Variants in RFT1 observed in about 807,000 individuals in gnomAD.
The protein encoded by RFT1 is RFT1 glycolipid translocator homolog, also known as man(5)GlcNAc(2)-PP-dolichol translocation protein RFT1.
Under a neutral mutation model 62.2 loss-of-function variants are expected in RFT1, and 43 were observed. The ratio of observed to expected loss-of-function variants is 0.69; its 90% CI spans 0.54 to 0.89. RFT1 has a LOEUF of 0.89. Among genes scored for constraint, RFT1 ranks in the 40% least tolerant of loss-of-function variants. The pLI is 0.00. For synonymous variants in RFT1, 262 were observed against 264.6 expected (o/e 0.99, Z 0.10); for missense variants, 605 against 649.9 (o/e 0.93, Z 0.75).
At chr3:53,113,519 T>C (rs1434662513) in intron 6 of RFT1, among the ~76,000 whole-genome samples, 2 of 152,210 alleles carry the variant, frequency 1.3e-5, no homozygotes, top group Non-Finnish European at 2.9e-5. Context: ...GTCTCAGTCA[T>C]GTGGGCCCCT....
chr3:53,100,570 G>A (rs944077379), intron 10 of RFT1, among the ~76,000 whole-genome samples: 1 of 152,144 alleles, frequency 6.6e-6, no homozygotes, highest in Non-Finnish European at 1.5e-5. Flanking sequence ...TCCACACAAA[G>A]GAATACTTAG....
downstream of RFT1, among the ~76,000 whole-genome samples, chr3:53,084,970 C>T (rs1700827276): frequency 6.6e-6 from 1 of 151,994 alleles, no homozygotes; most frequent in Admixed American, 6.6e-5. Context: ...CCAGGGTGGC[C>T]CATCTACTGG....
intron 6 of RFT1, among the ~76,000 whole-genome samples, chr3:53,119,649 C>A (rs2107156393): frequency 6.6e-6 from 1 of 152,114 alleles, no homozygotes; most frequent in African/African-American, 2.4e-5. Flanking sequence ...GTCAGAGATG[C>A]TGCTAAACAT....
At position 53,103,993 on chromosome 3, in the gene RFT1, A is replaced by G. The variant is rs1187033558; in HGVS notation, c.1062T>C (p.Ala354=). The change falls in exon 10 of 13, where the codon GCT becomes GCC. Residue 354 remains alanine, a synonymous_variant. Transcript: ENST00000296292. ...GCATGGTCCCTCCGTAGATATCCAG[A>G]GCCAGCTGAGAATAGGCAAAGCCAA... ...TVFGFAYSQL[A]LDIYGGTMLS... The G allele has an allele frequency of 6.2e-7, 1 of 1,614,130 alleles. No homozygotes were observed. The highest frequency in any genetic ancestry group is 1.3e-5 in the African/African-American group (1 of 74,932).
At chr3:53,112,998 G>A (rs544558355) in intron 6 of RFT1, among the ~76,000 whole-genome samples, 1 of 152,132 alleles carries the variant, frequency 6.6e-6, no homozygotes, top group South Asian at 2.1e-4. Flanking sequence ...AGAATATTTA[G>A]ACTAGGTGTT....
chr3:53,082,849 C>A, the RFT1 span, among the ~76,000 whole-genome samples: 2 of 152,108 alleles, frequency 1.3e-5, no homozygotes, highest in Admixed American at 1.3e-4. Flanking sequence ...ACATGCTGTG[C>A]CGTTTAGAAG....
chr3:53,103,256 T>C (rs1701368076), intron 10 of RFT1: 1 of 985,330 alleles, frequency 1.0e-6, no homozygotes, highest in Admixed American at 6.1e-5. Context: ...TCAGCGTTCT[T>C]GTCCAGCGAC....
Position 53,130,422 on chromosome 3 carries a change from C to T in RFT1, c.-22G>A, listed in dbSNP as rs1220666049. 2 of 1,550,730 alleles carry T rather than the reference C, an allele frequency of 1.3e-6. No individual in the cohort carries two copies. Among genetic ancestry groups the T allele is most frequent in the African/African-American group, 2.7e-5 (2 of 73,074 alleles). ...CCATAGCCTCCGCGCCAGGCTCAGA[C>T]ACCAGGAAATGCCGCCGCCACTCCG... On this transcript the variant is annotated 5_prime_UTR_variant, in exon 1 of 13. Transcript: ENST00000296292.
At chr3:53,086,811 G>C (rs538494409), downstream of RFT1, among the ~76,000 whole-genome samples, 2 of 152,270 alleles carry the variant, frequency 1.3e-5, no homozygotes, top group South Asian at 4.2e-4. Context: ...GCAGCTTCAT[G>C]AGTCCGTGGG....
At chr3:53,073,092 G>C in the RFT1 span, among the ~76,000 whole-genome samples, 1 of 152,216 alleles carries the variant, frequency 6.6e-6, no homozygotes. Context: ...CCTGGGCTGT[G>C]CCACAGGGTT....
At chr3:53,084,948 A>C (rs1416526106), downstream of RFT1, among the ~76,000 whole-genome samples, 1 of 152,148 alleles carries the variant, frequency 6.6e-6, no homozygotes, top group African/African-American at 2.4e-5. Context: ...CACCTAGCAA[A>C]TGCTGCTCAG....
intron 8 of RFT1, 120 bp downstream of exon 8, chr3:53,106,699 C>A (rs1357183478): frequency 2.5e-6 from 2 of 816,222 alleles, no homozygotes; most frequent in Non-Finnish European, 4.1e-6. Context: ...AATTTACAAT[C>A]TTCAGGATTT....
chr3:53,072,829 A>C, the RFT1 span, among the ~76,000 whole-genome samples: 3 of 152,212 alleles, frequency 2.0e-5, no homozygotes, highest in African/African-American at 4.8e-5. Context: ...AACACACAGG[A>C]GGGTCCTGCC....
At chr3:53,099,903 C>G (rs375634614) in intron 10 of RFT1, among the ~76,000 whole-genome samples, 1 of 152,132 alleles carries the variant, frequency 6.6e-6, no homozygotes, top group African/African-American at 2.4e-5. Flanking sequence ...GGGAGGATCA[C>G]CTGAGTCTGG....
chr3:53,083,005 G>C, the RFT1 span, among the ~76,000 whole-genome samples: 2 of 151,726 alleles, frequency 1.3e-5, no homozygotes, highest in African/African-American at 4.8e-5. Flanking sequence ...AGACCAGCCT[G>C]GCCAAAATGG....
At chr3:53,119,556 C>T (rs1472522873) in intron 6 of RFT1, among the ~76,000 whole-genome samples, 1 of 152,124 alleles carries the variant, frequency 6.6e-6, no homozygotes, top group Non-Finnish European at 1.5e-5. Context: ...AATTTTGTCC[C>T]CCAGGGGACA....
chr3:53,124,070 G>T (rs915049186), intron 2 of RFT1, among the ~76,000 whole-genome samples: 1 of 152,240 alleles, frequency 6.6e-6, no homozygotes, highest in Non-Finnish European at 1.5e-5. Flanking sequence ...TTACGTGAAG[G>T]ATAGAAACTG....
the RFT1 span, among the ~76,000 whole-genome samples, chr3:53,070,404 T>TTTTG: frequency 7.3e-6 from 1 of 137,874 alleles, no homozygotes; most frequent in African/African-American, 2.7e-5. Context: ...TTTTTTTTTT[T>TTTTG]TTTTTTTTTT....
chr3:53,075,821 G>A, the RFT1 span, among the ~76,000 whole-genome samples: 1 of 152,230 alleles, frequency 6.6e-6, no homozygotes, highest in Admixed American at 6.5e-5. Context: ...CGAGATGGGG[G>A]AGACGAGACA....
Sources: gnomAD v4.1 joint callset for allele counts (sites outside exome capture counted in the v4.1 genomes callset) on GRCh38, gnomAD v4.1.1 for gene constraint, MANE v1.5 for transcripts, NCBI Gene and HGNC (gene_info 2026-07-23, HGNC 2026-07-21) for gene names.